The following LARP1 variants were observed in gnomAD, a reference collection of about 807,000 sequenced individuals.
The protein encoded by LARP1 is La ribonucleoprotein 1, translational regulator.
In LARP1, 36 loss-of-function variants were observed where a neutral mutation model predicts 122.7. The ratio of observed to expected loss-of-function variants is 0.29; its 90% CI spans 0.22 to 0.39. The LOEUF is 0.39. Among genes scored for constraint, LARP1 ranks in the 10% least tolerant of loss-of-function variants. The pLI is 1.00. For synonymous variants in LARP1, 539 were observed against 528.7 expected (o/e 1.02, Z -0.27); for missense variants, 1,040 against 1,403.6 (o/e 0.74, Z 4.14).
At chr5:154,812,306 G>A (rs1256371822) in intron 18 of LARP1, among the ~76,000 whole-genome samples, 1 of 152,146 alleles carries the variant, frequency 6.6e-6, no homozygotes, top group Non-Finnish European at 1.5e-5. Flanking sequence ...TTAACATTTT[G>A]TATTAGTCTC....
upstream of LARP1, among the ~76,000 whole-genome samples, chr5:154,751,019 T>C (rs1417485892): frequency 2.5e-4 from 38 of 152,204 alleles, no homozygotes; most frequent in Non-Finnish European, 8.8e-5. Context: ...CTCTCTTTTT[T>C]TTTGGCCACA....
At chr5:154,781,239 G>T (rs920170133) in intron 1 of LARP1, among the ~76,000 whole-genome samples, 1 of 152,166 alleles carries the variant, frequency 6.6e-6, no homozygotes, top group African/African-American at 2.4e-5. Flanking sequence ...GAAGTCCAGG[G>T]CCTAGGAAAG....
chr5:154,793,695 C>T lies in LARP1; in HGVS notation c.840C>T (p.His280=). ...CCACTCGCCCACCGGAGCCTAGACA[C>T]ATACCTGCCAATCGCGGAGAGATCA... ...SRPTRPPEPR[H]IPANRGEIKG... Residue 280 remains histidine, a synonymous_variant, in exon 5 of 19, where the codon CAC becomes CAT. Transcript: ENST00000518297. The T allele has an allele frequency of 1.2e-6, 2 of 1,614,130 alleles. No homozygotes were observed. Among genetic ancestry groups the T allele is most frequent in the Non-Finnish European group, 1.7e-6 (2 of 1,179,966 alleles).
chr5:154,745,566 A>G (rs928649722), intron 1 of LARP1, among the ~76,000 whole-genome samples: 2 of 152,234 alleles, frequency 1.3e-5, no homozygotes, highest in African/African-American at 4.8e-5. Context: ...GCAGAGAGAC[A>G]CAGAGGAATT....
chr5:154,720,291 A>G (rs1755784054), intron 1 of LARP1, among the ~76,000 whole-genome samples: 1 of 152,278 alleles, frequency 6.6e-6, no homozygotes, highest in South Asian at 2.1e-4. Flanking sequence ...AATATCTGTG[A>G]TTTCTTTTGG....
chr5:154,755,429 G>A lies in LARP1; in HGVS notation c.-329G>A, dbSNP rs1753772781. ...GGAAGCCCGGGCCGCCCCGGGGGCGGGGGGGAGGGAGGGACGGGACTAGAA... is the reference window on the plus strand; with the variant it reads ...GGAAGCCCGGGCCGCCCCGGGGGCGAGGGGGAGGGAGGGACGGGACTAGAA... On this transcript the variant is annotated 5_prime_UTR_variant, in exon 1 of 19. Coordinates refer to ENST00000518297, the MANE Select transcript of LARP1 (RefSeq NM_033551.3). 1 of 470,506 alleles carries A rather than the reference G, an allele frequency of 2.1e-6. No individual in the cohort carries two copies. The highest frequency in any genetic ancestry group is 2.8e-6 in the Non-Finnish European group (1 of 359,646). 29.1% of individuals were successfully genotyped at this position (470,506 alleles called of 1,614,324 possible). A position where few individuals can be genotyped will look rare whatever the true frequency, so the allele number is the denominator to read the frequency against.
chr5:154,699,522 C>T (rs1198686522), intron 1 of LARP1, among the ~76,000 whole-genome samples: 3 of 151,946 alleles, frequency 2.0e-5, no homozygotes, highest in Non-Finnish European at 4.4e-5. Context: ...ATAATTAAAA[C>T]ATAAATAAAT....
At chr5:154,690,452 C>G (rs1295542996) in intron 1 of LARP1, among the ~76,000 whole-genome samples, 3 of 152,214 alleles carry the variant, frequency 2.0e-5, no homozygotes, top group Non-Finnish European at 4.4e-5. Flanking sequence ...TTAATCCTCA[C>G]ACCCAACTGT....
chr5:154,808,018 G>A (rs895274693), intron 15 of LARP1, among the ~76,000 whole-genome samples: 3 of 151,940 alleles, frequency 2.0e-5, no homozygotes, highest in Non-Finnish European at 2.9e-5. Context: ...CTCTTGTTTT[G>A]TTGCTTGTGC....
upstream of LARP1, among the ~76,000 whole-genome samples, chr5:154,712,738 TA>T (rs1278352363): frequency 6.6e-6 from 1 of 151,904 alleles, no homozygotes; most frequent in Non-Finnish European, 1.5e-5. Flanking sequence ...CCCGCTAAGG[TA>T]AAGAGGTGGG....
At chr5:154,736,467 G>T (rs1582240898) in intron 1 of LARP1, among the ~76,000 whole-genome samples, 1 of 152,052 alleles carries the variant, frequency 6.6e-6, no homozygotes, top group South Asian at 2.1e-4. Context: ...CTGGCCTCAA[G>T]GGATCCTCCT....
chr5:154,755,086 C>G (rs1753724140), upstream of LARP1, among the ~76,000 whole-genome samples: 1 of 151,974 alleles, frequency 6.6e-6, no homozygotes, highest in South Asian at 2.1e-4. Flanking sequence ...CGACAACTCC[C>G]GAATTGCATC....
chr5:154,785,983 C>A (rs892744017), intron 1 of LARP1, among the ~76,000 whole-genome samples: 33 of 152,156 alleles, frequency 2.2e-4, no homozygotes, highest in Non-Finnish European at 4.4e-5. Context: ...CAGAAAAGTC[C>A]TCTAGTGTTC....
chr5:154,749,951 T>C (rs1753398828), intron 1 of LARP1, among the ~76,000 whole-genome samples: 1 of 152,248 alleles, frequency 6.6e-6, no homozygotes, highest in African/African-American at 2.4e-5. Flanking sequence ...AAATTTCATG[T>C]AAACTTTGTA....
At chr5:154,747,366 G>T (rs1325710030) in intron 1 of LARP1, among the ~76,000 whole-genome samples, 2 of 151,696 alleles carry the variant, frequency 1.3e-5, no homozygotes, top group South Asian at 4.2e-4. Flanking sequence ...TCAGGAGTTC[G>T]AGACCAGCCT....
rs146454468 is a variant in LARP1, at chr5:154,803,595, C to T, written c.2289C>T (p.Ile763=). 182 of 1,614,174 alleles carry T rather than the reference C, an allele frequency of 1.1e-4. 5 individuals are homozygous for T. In the South Asian group the frequency reaches 1.4e-3, roughly 13 times the overall value. Residue 763 remains isoleucine (I), a synonymous_variant, in exon 13 of 19, where the codon ATC becomes ATT. Transcript: ENST00000518297. The surrounding 1 kb of genome is among the most constrained non-coding windows in gnomAD (Gnocchi z 4.4). ...KLFGAPEPST[I]ARSLPTTVPE... is the part of the protein sequence containing the mutation. ...TTGGTGCTCCTGAGCCCTCCACCAT[C>T]GCCCGCTCTCTACCAACCACTGTCC...
chr5:154,791,862 G>C (rs1171197491), intron 3 of LARP1: 2 of 427,932 alleles, frequency 4.7e-6, no homozygotes, highest in Admixed American at 4.8e-5. Flanking sequence ...TTTATTCAAG[G>C]GTCAGCTGAA....
At chr5:154,774,714 TATC>T (rs1046456556) in intron 1 of LARP1, among the ~76,000 whole-genome samples, 6 of 152,178 alleles carry the variant, frequency 3.9e-5, no homozygotes, top group Non-Finnish European at 8.8e-5. Context: ...TCTGCCCACA[TATC>T]ATCACTGCCA....
At chr5:154,714,497 T>C (rs1211988763) in intron 1 of LARP1, among the ~76,000 whole-genome samples, 1 of 152,224 alleles carries the variant, frequency 6.6e-6, no homozygotes, top group Admixed American at 6.5e-5. Flanking sequence ...GTGGCCCCAT[T>C]GGAAGCAGCA....
Sources: gnomAD v4.1 joint callset for allele counts (sites outside exome capture counted in the v4.1 genomes callset) on GRCh38, gnomAD v4.1.1 for gene constraint, Gnocchi (gnomAD v3.1) non-coding constraint, MANE v1.5 for transcripts, NCBI Gene and HGNC (gene_info 2026-07-23, HGNC 2026-07-21) for gene names.